Variants in PLEKHH2 observed in about 807,000 individuals in gnomAD.
PLEKHH2 encodes pleckstrin homology, MyTH4 and FERM domain containing H2.
In PLEKHH2, 129 loss-of-function variants were observed where a neutral mutation model predicts 187.9. That is an observed-to-expected ratio of 0.69 (90% confidence interval 0.59 to 0.79). The LOEUF (loss-of-function observed/expected upper bound fraction) is 0.79. Ranked by LOEUF, PLEKHH2 falls within the 30% of genes least tolerant of loss-of-function variation. The pLI, the probability that PLEKHH2 is intolerant of heterozygous loss-of-function variation, is 0.00. For missense variants in PLEKHH2, 2,076 were observed against 1,751.2 expected (o/e 1.19, Z -3.31); for synonymous variants, 686 against 605.6 (o/e 1.13, Z -1.95).
Position 43,746,521 on chromosome 2 carries a change from A to G in PLEKHH2, c.3653+558A>G, listed in dbSNP as rs1671783523. 1.5e-5 allele frequency among the ~76,000 whole-genome samples: 2 copies of G among 130,774 alleles called. 1 individual carries two copies. The highest frequency in any genetic ancestry group is 1.5e-4 in the Admixed American group (2 of 13,244). 85.8% of individuals were successfully genotyped at this position (130,774 alleles called of 152,430 possible). On this transcript the variant is annotated intron_variant, in intron 24 of 29. Coordinates refer to ENST00000282406, the MANE Select transcript of PLEKHH2 (RefSeq NM_172069.4). ...CAACAGAGTGAAACCCTGTCTCAAA[A>G]CAAACAAAAAATACACACACACACA...
At chr2:43,717,938 A>G (rs1396838530) in intron 15 of PLEKHH2, among the ~76,000 whole-genome samples, 1 of 152,230 alleles carries the variant, frequency 6.6e-6, no homozygotes, top group Admixed American at 6.5e-5. Flanking sequence ...TCACCTTGAT[A>G]GTGAAGTCAG....
At chr2:43,754,468 A>G (rs537002039) in intron 25 of PLEKHH2, among the ~76,000 whole-genome samples, 1 of 152,160 alleles carries the variant, frequency 6.6e-6, no homozygotes, top group East Asian at 1.9e-4. Flanking sequence ...GCTGCATAGA[A>G]CGCCTCCATT....
Position 43,693,081 on chromosome 2 carries a change from C to A in PLEKHH2, c.336+418C>A, listed in dbSNP as rs549952291. On this transcript the variant is annotated intron_variant, in intron 4 of 29. Transcript: ENST00000282406. ...TAGCTGGGACTATGGGCATACACCA[C>A]GACACCCAGCTAATTTTTGTATTTT... Among the ~76,000 whole-genome samples the A allele has an allele frequency of 2.6e-4, 38 of 147,368 alleles. No homozygotes were observed. In the South Asian group the frequency reaches 8.3e-3, roughly 32 times the overall value.
chr2:43,726,970 A>G (rs1670780138), intron 17 of PLEKHH2, among the ~76,000 whole-genome samples: 1 of 152,216 alleles, frequency 6.6e-6, no homozygotes, highest in South Asian at 2.1e-4. Context: ...TTCATCTCAT[A>G]CAGATAGCAA....
chr2:43,711,627 C>T (rs1669969902), intron 14 of PLEKHH2: 2 of 938,530 alleles, frequency 2.1e-6, no homozygotes, highest in Non-Finnish European at 2.5e-6. Flanking sequence ...CGCGGTGGCT[C>T]ACGCCTGTAA....
intron 2 of PLEKHH2, among the ~76,000 whole-genome samples, chr2:43,657,520 G>C (rs72870435): frequency 0.019 from 2,962 of 152,242 alleles, 94 homozygotes; most frequent in African/African-American, 0.067. Context: ...AAGGTACAAA[G>C]CATTCTAACA....
intron 28 of PLEKHH2, among the ~76,000 whole-genome samples, chr2:43,763,364 T>C (rs7602498): frequency 0.18 from 27,172 of 152,156 alleles, 4,136 homozygotes; most frequent in African/African-American, 0.41. Flanking sequence ...TCATTAGATA[T>C]GCAGAGTCCT....
intron 3 of PLEKHH2, among the ~76,000 whole-genome samples, chr2:43,683,417 G>C (rs1274443035): frequency 6.6e-6 from 1 of 151,884 alleles, no homozygotes; most frequent in African/African-American, 2.4e-5. Context: ...GGTGTTACAG[G>C]TGTGAGCCAC....
Position 43,704,068 on chromosome 2 carries a change from T to C in PLEKHH2, c.1726+12T>C. ...GAGTGTTAATAAAAGTAAGTGCTTT[T>C]TCATGCTGCCACCTGGATGAACCTT... On this transcript the variant is annotated intron_variant, in intron 9 of 29. Coordinates refer to ENST00000282406, the MANE Select transcript of PLEKHH2 (RefSeq NM_172069.4). The C allele has an allele frequency of 1.3e-6, 2 of 1,557,190 alleles. No homozygotes were observed. The highest frequency in any genetic ancestry group is 1.8e-6 in the Non-Finnish European group (2 of 1,130,498).
At chr2:43,693,954 A>G (rs1284200805) in intron 4 of PLEKHH2, among the ~76,000 whole-genome samples, 1 of 152,080 alleles carries the variant, frequency 6.6e-6, no homozygotes, top group Non-Finnish European at 1.5e-5. Context: ...TGGTAAACAC[A>G]TTCTCAATAG....
At position 43,680,875 on chromosome 2, in the gene PLEKHH2, C is replaced by T. The variant is rs1668140231; in HGVS notation, c.186+1950C>T. 1.6e-5 allele frequency: 9 copies of T among 555,422 alleles called. No individual in the cohort carries two copies. In the South Asian group the frequency reaches 1.9e-4, roughly 12 times the overall value. The allele number at this position is 555,422 out of a possible 1,614,324, so 34.4% of individuals were successfully genotyped here. The stretch of plus-strand genomic sequence containing the variant: ...TTGTTCCATAGCATAGTCACATCTT[C>T]CATTTGACAAGTAGAATTTCTGTTT... On this transcript the variant is annotated intron_variant, in intron 3 of 29. Transcript: ENST00000282406.
At chr2:43,757,640 G>T (rs971022649) in intron 26 of PLEKHH2, among the ~76,000 whole-genome samples, 1 of 151,954 alleles carries the variant, frequency 6.6e-6, no homozygotes, top group Non-Finnish European at 1.5e-5. Context: ...GGATGGTCTC[G>T]ATCTCCTGAC....
chr2:43,670,577 A>T (rs1429350608), intron 2 of PLEKHH2, among the ~76,000 whole-genome samples: 1 of 151,728 alleles, frequency 6.6e-6, no homozygotes, highest in African/African-American at 2.4e-5. Context: ...CTTGACTACT[A>T]TTGGCAATTT....
intron 15 of PLEKHH2, among the ~76,000 whole-genome samples, chr2:43,715,167 T>G (rs1670154309): frequency 6.6e-6 from 1 of 151,872 alleles, no homozygotes; most frequent in Non-Finnish European, 1.5e-5. Context: ...TCCCAGCTAC[T>G]CGGGAGGCTG....
chr2:43,721,599 T>C (rs58725861), intron 16 of PLEKHH2, among the ~76,000 whole-genome samples: 1 of 152,148 alleles, frequency 6.6e-6, no homozygotes, highest in Non-Finnish European at 1.5e-5. Context: ...AAAACAATAC[T>C]GAGGCCAGGC....
chr2:43,737,086 T>G (rs1047913453), intron 19 of PLEKHH2, among the ~76,000 whole-genome samples: 6 of 152,200 alleles, frequency 3.9e-5, no homozygotes, highest in Middle Eastern at 3.2e-3. Context: ...TGATTGCCTC[T>G]GGAATGGGGC....
At position 43,699,923 on chromosome 2, in the gene PLEKHH2, G is replaced by A. The variant is rs1669272350; in HGVS notation, c.965G>A (p.Ser322Asn). ...GGGGTCCAGTGTAGCAGGATGGGAAGTGAAATGTATCTGACAGCATCTGAT... is the reference window on the plus strand; with the variant it reads ...GGGGTCCAGTGTAGCAGGATGGGAAATGAAATGTATCTGACAGCATCTGAT... ...EEGVQCSRMG[S>N]EMYLTASDDS... The change falls in exon 8 of 30, where the codon AGT becomes AAT. Residue 322 changes from serine to asparagine, a missense_variant. Transcript: ENST00000282406. 4 of 1,614,010 alleles carry A rather than the reference G, an allele frequency of 2.5e-6. No individual in the cohort carries two copies. Among genetic ancestry groups the A allele is most frequent in the Non-Finnish European group, 3.4e-6 (4 of 1,180,014 alleles).
In PLEKHH2 at chr2:43,697,887, T is replaced by C. The variant is rs369906637; in HGVS notation, c.688+531T>C. Among the ~76,000 whole-genome samples the C allele has an allele frequency of 1.2e-4, 19 of 152,334 alleles. No homozygotes were observed. The East Asian group carries it at 2.9e-3, about 23-fold the overall frequency. On this transcript the variant is annotated intron_variant, in intron 7 of 29. Coordinates refer to ENST00000282406, the MANE Select transcript of PLEKHH2 (RefSeq NM_172069.4). ...TAATCCTTCCAAGAGGAAAATGTTT[T>C]CCTAGATATTTAAACCCTGGTCCTG...
chr2:43,656,707 A>T (rs1333504380), intron 2 of PLEKHH2, among the ~76,000 whole-genome samples: 1 of 152,214 alleles, frequency 6.6e-6, no homozygotes, highest in Non-Finnish European at 1.5e-5. Flanking sequence ...AATATATACA[A>T]TTTTTGTCCA....
Sources: gnomAD v4.1 joint callset for allele counts (sites outside exome capture counted in the v4.1 genomes callset) on GRCh38, gnomAD v4.1.1 for gene constraint, MANE v1.5 for transcripts, NCBI Gene and HGNC (gene_info 2026-07-23, HGNC 2026-07-21) for gene names.